The following LRRC27 variants were observed in gnomAD, a reference collection of about 807,000 sequenced individuals.
LRRC27 encodes leucine rich repeat containing 27.
Under a neutral mutation model 55.0 loss-of-function variants are expected in LRRC27, and 57 were observed. The observed-to-expected ratio is 1.04, with a 90% confidence interval of 0.84 to 1.29. The LOEUF is 1.29. Among genes scored for constraint, LRRC27 ranks in the 50% most tolerant of loss-of-function variants. The pLI is 0.00. For missense variants in LRRC27, 721 were observed against 651.5 expected, an observed-to-expected ratio of 1.11 and a Z score of -1.16; for synonymous variants, 278 against 251.9, an observed-to-expected ratio of 1.10 and a Z score of -0.98.
At chr10:132,331,487 C>T (rs1284269917), upstream of LRRC27, 2 of 1,612,746 alleles carry the variant, frequency 1.2e-6, no homozygotes, top group Middle Eastern at 1.6e-4. Context: ...CTTACTTCTC[C>T]AAAGAGGACG....
At chr10:132,369,678 A>G (rs1590734572) in intron 10 of LRRC27, among the ~76,000 whole-genome samples, 1 of 152,214 alleles carries the variant, frequency 6.6e-6, no homozygotes, top group African/African-American at 2.4e-5. Context: ...CACCCCACAC[A>G]TGAGCCTGCA....
upstream of LRRC27, among the ~76,000 whole-genome samples, chr10:132,331,146 G>A (rs796552188): frequency 4.5e-4 from 66 of 145,728 alleles, no homozygotes; most frequent in African/African-American, 1.6e-3. Flanking sequence ...GGTCGCAGTG[G>A]GCCGAGATCG....
At chr10:132,346,251 G>GA (rs2067680255) in intron 5 of LRRC27, among the ~76,000 whole-genome samples, 1 of 152,098 alleles carries the variant, frequency 6.6e-6, no homozygotes, top group Admixed American at 6.5e-5. Flanking sequence ...CTGTAAGTTT[G>GA]AAAAAAATAC....
intron 5 of LRRC27, among the ~76,000 whole-genome samples, chr10:132,345,038 A>G (rs2698780): frequency 0.42 from 63,278 of 152,108 alleles, 13,556 homozygotes; most frequent in African/African-American, 0.49. Flanking sequence ...ACAAGAAATT[A>G]GCAGGAAAAT....
chr10:132,351,918 G>A (rs1387224864), intron 7 of LRRC27, among the ~76,000 whole-genome samples, 165 bp downstream of exon 7: 3 of 152,264 alleles, frequency 2.0e-5, no homozygotes, highest in Non-Finnish European at 2.9e-5. Context: ...CGAGCTGCAC[G>A]TGCCCCTTGT....
chr10:132,350,343 G>A (rs2067944678), intron 6 of LRRC27: 1 of 152,182 alleles, frequency 6.6e-6, no homozygotes, highest in Admixed American at 6.5e-5. Flanking sequence ...CTTCCTCTGG[G>A]GCAGCTCCTC....
rs2133126873 is a variant in LRRC27 at position 132,381,387 on chromosome 10, T to C, written c.*6145T>C. Among the ~76,000 whole-genome samples the C allele has an allele frequency of 6.6e-6, 1 of 152,346 alleles. No homozygotes were observed. The highest frequency in any genetic ancestry group is 1.5e-5 in the Non-Finnish European group (1 of 68,022). ...TGTCGGCTTCCCTCCTTTAGAGGTT[T>C]GGGGACTCAGACTGAGCTACTACTG... On this transcript the variant is annotated 3_prime_UTR_variant, in exon 11 of 11. Transcript: ENST00000368614.
chr10:132,337,009 A>T, intron 2 of LRRC27: 1 of 1,023,490 alleles, frequency 9.8e-7, no homozygotes, highest in South Asian at 2.0e-5. Flanking sequence ...CACCGAGTTG[A>T]TGTGTCAATC....
chr10:132,338,603 G>A (rs148966848), intron 3 of LRRC27, among the ~76,000 whole-genome samples: 2,230 of 152,082 alleles, frequency 0.015, 45 homozygotes, highest in South Asian at 0.049. Flanking sequence ...CTATGGAGAC[G>A]TCCTCCTTTC....
chr10:132,331,576 G>T, upstream of LRRC27: 10 of 1,612,934 alleles, frequency 6.2e-6, no homozygotes, highest in Non-Finnish European at 8.5e-6. Flanking sequence ...AGTGGCTCCA[G>T]GAAGCCCCAG....
At chr10:132,349,287 G>T (rs879835156) in intron 6 of LRRC27, among the ~76,000 whole-genome samples, 2 of 152,210 alleles carry the variant, frequency 1.3e-5, no homozygotes, top group South Asian at 2.1e-4. Context: ...CGTCCAGCAC[G>T]AGCAGGTTCA....
In LRRC27 at chr10:132,333,627, G is replaced by A; in HGVS notation, c.103G>A (p.Val35Ile). The change falls in exon 2 of 11, where the codon GTT (valine) becomes ATT (isoleucine). Residue 35 changes from valine to isoleucine, a missense_variant. Physicochemically the swap from Val to Ile is conservative, Grantham distance 29 (BLOSUM62 3). Coordinates refer to ENST00000368614, the MANE Select transcript of LRRC27 (RefSeq NM_030626.3). ...CTTGCCTGCCACCCCCTCCAAAGAT[G>A]TTCACAAGGGTGTTGGAGGCATCAT... is the stretch of plus-strand genomic sequence containing the variant. ...RSLPATPSKD[V>I]HKGVGGIIFS... 1 of 1,613,334 alleles carries A rather than the reference G, an allele frequency of 6.2e-7. No individual in the cohort carries two copies. Among genetic ancestry groups the A allele is most frequent in the Non-Finnish European group, 8.5e-7 (1 of 1,180,026 alleles).
At chr10:132,361,605 T>C in intron 9 of LRRC27, 30 bp downstream of exon 9, 4 of 1,527,000 alleles carry the variant, frequency 2.6e-6, no homozygotes, top group Non-Finnish European at 3.6e-6. Context: ...ACTCAGTCCT[T>C]CCAGGGCTCA....
intron 8 of LRRC27, 73 bp from the exon 9 acceptor site, chr10:132,361,383 CA>C (rs1421696423): frequency 7.9e-7 from 1 of 1,268,766 alleles, no homozygotes; most frequent in Non-Finnish European, 1.2e-6. Flanking sequence ...TAGTCTAACA[CA>C]CCTTGCAGGT....
intron 4 of LRRC27, among the ~76,000 whole-genome samples, chr10:132,343,969 T>C (rs2067551227): frequency 6.6e-6 from 1 of 152,276 alleles, no homozygotes; most frequent in South Asian, 2.1e-4. Flanking sequence ...ATTTCCATTT[T>C]TAGTGACATT....
rs147065829 is a variant in LRRC27 at position 132,351,655 on chromosome 10, G to A, written c.975G>A (p.Pro325=). 90 of 1,613,962 alleles carry A rather than the reference G, an allele frequency of 5.6e-5. No individual in the cohort carries two copies. The highest frequency in any genetic ancestry group is 1.6e-4 in the Middle Eastern group (1 of 6,084). The change falls in exon 7 of 11, where the codon CCG becomes CCA. Residue 325 remains proline (P), a synonymous_variant. Transcript: ENST00000368614. ...GCATCTTACCCGACCTCTTGTCACC[G>A]TACCAAATGGCGATCCGAGCAAAAA... ...SRSILPDLLS[P]YQMAIRAKRL... is the part of the protein sequence containing the mutation.
upstream of LRRC27, chr10:132,331,719 CCAGACGG>C (rs1413243720): frequency 3.1e-6 from 5 of 1,612,550 alleles, no homozygotes; most frequent in Non-Finnish European, 3.4e-6. Context: ...CTCCGGCTCC[CCAGACGG>C]CACTTAGCAT....
At chr10:132,344,130 C>G (rs1173628341) in intron 4 of LRRC27, among the ~76,000 whole-genome samples, 4 of 152,150 alleles carry the variant, frequency 2.6e-5, no homozygotes, top group Non-Finnish European at 4.4e-5. Context: ...CTGCTCCGTT[C>G]CTGAGTGTAG....
intron 8 of LRRC27, among the ~76,000 whole-genome samples, chr10:132,356,624 A>C (rs984290863): frequency 6.6e-6 from 1 of 151,478 alleles, no homozygotes; most frequent in Non-Finnish European, 1.5e-5. Flanking sequence ...ACCGTCCCCC[A>C]AGATTGCCAG....
Sources: allele counts gnomAD v4.1 joint callset (sites outside exome capture counted in the v4.1 genomes callset), GRCh38; gene constraint gnomAD v4.1.1; transcripts MANE v1.5; gene names NCBI Gene and HGNC (gene_info 2026-07-23, HGNC 2026-07-21).